PLA2G6: variants seen among roughly 807,000 people sequenced by gnomAD.
PLA2G6 encodes the protein 85/88 kDa calcium-independent phospholipase A2.
A neutral mutation model predicts 83.8 loss-of-function variants in PLA2G6; 62 were observed. The observed-to-expected ratio is 0.74, with a 90% CI of 0.60 to 0.91. The LOEUF is 0.91. PLA2G6 is among the 40% of genes least tolerant of loss of function. The pLI is 0.00. For missense variants in PLA2G6, 944 were observed against 1,102.0 expected, an observed-to-expected ratio of 0.86 and a Z score of 2.03; for synonymous variants, 417 against 449.8, an observed-to-expected ratio of 0.93 and a Z score of 0.92.
At chr22:38,113,283 A>C (rs548550852) in intron 15 of PLA2G6, among the ~76,000 whole-genome samples, 11 of 148,530 alleles carry the variant, frequency 7.4e-5, no homozygotes, top group African/African-American at 2.5e-4. Flanking sequence ...GCGTTTGAAA[A>C]CCCCCCTGCT....
At chr22:38,159,083 C>A (rs2089907830) in intron 2 of PLA2G6, among the ~76,000 whole-genome samples, 1 of 152,012 alleles carries the variant, frequency 6.6e-6, no homozygotes, top group Non-Finnish European at 1.5e-5. Flanking sequence ...CCTGTAATCC[C>A]AGCTACTCAG....
chr22:38,121,115 C>T (rs140582878), intron 11 of PLA2G6: 28 of 550,014 alleles, frequency 5.1e-5, no homozygotes, highest in Non-Finnish European at 8.1e-5. Flanking sequence ...TGGTGGCTCG[C>T]GCCTGTAATC....
chr22:38,177,718 C>T (rs1490942040), intron 1 of PLA2G6, among the ~76,000 whole-genome samples: 1 of 152,258 alleles, frequency 6.6e-6, no homozygotes, highest in South Asian at 2.1e-4. Flanking sequence ...CCCACCTCCA[C>T]CTCCCAAAGT....
At chr22:38,145,362 C>A in intron 3 of PLA2G6, 76 bp downstream of exon 3, 1 of 1,241,598 alleles carries the variant, frequency 8.1e-7, no homozygotes, top group Non-Finnish European at 1.2e-6. Context: ...TGGAGGGGAA[C>A]CGAGGCCTGC....
In PLA2G6 at chr22:38,169,465, CCT is replaced by C. The variant is rs764521027; in HGVS notation, c.-41_-40del. 2.5e-6 allele frequency: 4 copies of C among 1,570,764 alleles called. No homozygotes were observed. Among genetic ancestry groups the C allele is most frequent in the South Asian group, 1.1e-5 (1 of 89,292 alleles). ...GGTGGGGAGGCCCCACCGTCTTCCC[CCT>C]CTGTCTGGAAGAAAACGAGGTCTCT... On this transcript the variant is annotated 5_prime_UTR_variant, in exon 2 of 17. Transcript: ENST00000332509.
intron 15 of PLA2G6, chr22:38,112,932 G>A: frequency 2.3e-6 from 1 of 428,186 alleles, no homozygotes; most frequent in South Asian, 2.2e-5. Context: ...TTTGAGACAA[G>A]GTCTCCTTCT....
intron 12 of PLA2G6, among the ~76,000 whole-genome samples, chr22:38,117,907 A>T (rs1249932456): frequency 6.6e-6 from 1 of 151,942 alleles, no homozygotes; most frequent in Non-Finnish European, 1.5e-5. Flanking sequence ...ATGGTGGTGC[A>T]CGCCTATAAT....
intron 10 of PLA2G6, chr22:38,125,653 A>G: frequency 2.1e-6 from 1 of 470,504 alleles, no homozygotes; most frequent in South Asian, 1.5e-5. Flanking sequence ...TGTGACCTTG[A>G]GCAAGTCACT....
intron 4 of PLA2G6, chr22:38,141,387 G>C (rs901963893): frequency 9.2e-5 from 14 of 152,396 alleles, no homozygotes; most frequent in African/African-American, 1.4e-4. Context: ...GGGTTTTACT[G>C]TCTCACTTTT....
At position 38,123,557 on chromosome 22, in the gene PLA2G6, A is replaced by G. The variant is rs2087653053; in HGVS notation, c.1428-299T>C. On this transcript the variant is annotated intron_variant, in intron 10 of 16. Coordinates refer to ENST00000332509, the MANE Select transcript of PLA2G6 (RefSeq NM_003560.4). This position sits in a 1 kb window ranked among gnomAD's most constrained non-coding sequence, Gnocchi z 4.1. ...TCGGCCAGTCTCCCCAACTTGGGAC[A>G]CCTGATTTTGGTCAGTATCAGGCCT... Among the ~76,000 whole-genome samples, 1 of 152,026 alleles carries G rather than the reference A, an allele frequency of 6.6e-6. No homozygotes were observed. The highest frequency in any genetic ancestry group is 1.5e-5 in the Non-Finnish European group (1 of 68,004).
In PLA2G6 at chr22:38,145,538, G is replaced by A. The variant is rs142530390; in HGVS notation, c.325C>T (p.His109Tyr). The change falls in exon 3 of 17, where the codon CAC becomes TAC. Residue 109 changes from histidine (H) to tyrosine (Y), a missense_variant. By Grantham distance (83) the His-to-Tyr change is moderately conservative. Coordinates refer to ENST00000332509, the MANE Select transcript of PLA2G6 (RefSeq NM_003560.4). Reference sequence around the variant, plus strand: ...TGGTTACGGATGAGGTCGGTCAGGTGCTGCAGGACCTCAGTGTGCAGGACC... The same window carrying A: ...TGGTTACGGATGAGGTCGGTCAGGTACTGCAGGACCTCAGTGTGCAGGACC... ...PQVLHTEVLQ[H>Y]LTDLIRNHPS... 11 of 1,613,490 alleles carry A rather than the reference G, an allele frequency of 6.8e-6. No homozygotes were observed. In the South Asian group the frequency reaches 1.2e-4, roughly 18 times the overall value.
chr22:38,134,885 A>G, intron 6 of PLA2G6, 103 bp downstream of exon 6: 2 of 749,194 alleles, frequency 2.7e-6, no homozygotes, highest in African/African-American at 1.7e-5. Context: ...TCAGCCCCCA[A>G]GTGCTAGCCT....
Position 38,139,987 on chromosome 22 carries a change from C to G in PLA2G6, c.792G>C (p.Gln264His). ...GGGAGGGGAGGAGGTCTTACCCCTT[C>G]TGAGAGAACTTCATGGCCGAGTGGA... is the stretch of plus-strand genomic sequence containing the variant. ...YPIHSAMKFS[Q>H]KGCAEMIISM... The change falls in exon 5 of 17, where the codon CAG becomes CAC. Residue 264 changes from glutamine (Q) to histidine (H), a missense_variant. Gln to His is a conservative substitution (Grantham distance 24, BLOSUM62 0). Coordinates refer to ENST00000332509, the MANE Select transcript of PLA2G6 (RefSeq NM_003560.4). The G allele has an allele frequency of 6.3e-7, 1 of 1,591,720 alleles. No homozygotes were observed. The highest frequency in any genetic ancestry group is 8.6e-7 in the Non-Finnish European group (1 of 1,167,740).
At chr22:38,126,095 C>A in intron 10 of PLA2G6, 1 of 501,216 alleles carries the variant, frequency 2.0e-6, no homozygotes. Context: ...ATAAGGAGAT[C>A]AGGGAGGGAG....
intron 12 of PLA2G6, among the ~76,000 whole-genome samples, chr22:38,119,812 C>CA (rs937654807): frequency 1.2e-4 from 18 of 149,984 alleles, no homozygotes; most frequent in African/African-American, 2.4e-4. Flanking sequence ...GACCCTGTTT[C>CA]AAAAAAAAGA....
At chr22:38,181,546 C>T (rs983068194) in intron 1 of PLA2G6, 118 bp downstream of exon 1, 6 of 152,016 alleles carry the variant, frequency 3.9e-5, no homozygotes, top group African/African-American at 1.5e-4. Context: ...TCCCTGGGGT[C>T]CACAAGTTCG....
intron 1 of PLA2G6, among the ~76,000 whole-genome samples, chr22:38,171,215 G>A (rs1252706150): frequency 3.3e-5 from 5 of 151,088 alleles, no homozygotes; most frequent in East Asian, 1.9e-4. Context: ...AGAAAAGTTC[G>A]CAGTGTCCCA....
At chr22:38,162,332 A>C (rs992571148) in intron 2 of PLA2G6, among the ~76,000 whole-genome samples, 1 of 152,082 alleles carries the variant, frequency 6.6e-6, no homozygotes. Context: ...CAGGATGACG[A>C]AGAGAGAGAG....
intron 10 of PLA2G6, chr22:38,125,776 C>A: frequency 2.2e-6 from 1 of 462,798 alleles, no homozygotes. Context: ...TCAACTGCAG[C>A]AATCAAGGGA....
Sources: gnomAD v4.1 joint callset for allele counts (sites outside exome capture counted in the v4.1 genomes callset) on GRCh38, gnomAD v4.1.1 for gene constraint, Gnocchi (gnomAD v3.1) non-coding constraint, MANE v1.5 for transcripts, NCBI Gene and HGNC (gene_info 2026-07-23, HGNC 2026-07-21) for gene names.